TRIM9: variants seen among roughly 807,000 people sequenced by gnomAD.
TRIM9 encodes tripartite motif containing 9.
In TRIM9, 26 loss-of-function variants were observed where a neutral mutation model predicts 78.3. That is an observed-to-expected ratio of 0.33 (90% confidence interval 0.24 to 0.46). The LOEUF is 0.46. Among genes scored for constraint, TRIM9 ranks in the 20% least tolerant of loss-of-function variants. The pLI, the probability that TRIM9 is intolerant of heterozygous loss-of-function variation, is 1.00. For missense variants in TRIM9, 787 were observed against 1,036.4 expected, an observed-to-expected ratio of 0.76 and a Z score of 3.30; for synonymous variants, 398 against 416.5, an observed-to-expected ratio of 0.96 and a Z score of 0.54.
intron 7 of TRIM9, among the ~76,000 whole-genome samples, chr14:50,986,695 T>C (rs1431956404): frequency 1.3e-5 from 2 of 152,154 alleles, no homozygotes; most frequent in Non-Finnish European, 2.9e-5. Flanking sequence ...TATCTTTGAA[T>C]AGGAGAGGAA....
intron 3 of TRIM9, among the ~76,000 whole-genome samples, chr14:51,019,899 A>T (rs2057582791): frequency 6.6e-6 from 1 of 152,206 alleles, no homozygotes; most frequent in South Asian, 2.1e-4. Flanking sequence ...CTTGCCTCAG[A>T]ACCAGAACTA....
chr14:51,034,513 G>A (rs1455376403), intron 1 of TRIM9, among the ~76,000 whole-genome samples: 1 of 152,182 alleles, frequency 6.6e-6, no homozygotes, highest in Non-Finnish European at 1.5e-5. Flanking sequence ...CAGCAGGAGT[G>A]TGCATTGGAT....
intron 7 of TRIM9, among the ~76,000 whole-genome samples, chr14:50,991,948 C>T (rs1407113219): frequency 6.6e-6 from 1 of 152,106 alleles, no homozygotes; most frequent in Non-Finnish European, 1.5e-5. Context: ...TAGAAATATA[C>T]AAAAGGTAAA....
chr14:51,093,916 G>A (rs1367583692), intron 1 of TRIM9, among the ~76,000 whole-genome samples: 1 of 152,254 alleles, frequency 6.6e-6, no homozygotes, highest in Non-Finnish European at 1.5e-5. Flanking sequence ...CAACAACTCT[G>A]TGGGGGCATT....
chr14:51,044,164 G>A (rs2059770124), intron 1 of TRIM9, among the ~76,000 whole-genome samples: 2 of 152,180 alleles, frequency 1.3e-5, no homozygotes, highest in South Asian at 4.1e-4. Context: ...AGAAGATTTA[G>A]TGATTTCAGA....
intron 7 of TRIM9, among the ~76,000 whole-genome samples, chr14:50,990,756 T>G (rs952472137): frequency 6.6e-6 from 1 of 152,216 alleles, no homozygotes; most frequent in Admixed American, 6.5e-5. Context: ...AAGATGGTTG[T>G]ATTTTGGAGC....
intron 1 of TRIM9, among the ~76,000 whole-genome samples, chr14:51,038,470 T>C (rs761732952): frequency 1.1e-4 from 16 of 152,180 alleles, no homozygotes; most frequent in Non-Finnish European, 1.6e-4. Context: ...GGTGGTCGGA[T>C]TGCTTCACCT....
intron 7 of TRIM9, 23 bp from the exon 8 acceptor site, chr14:50,986,167 C>G: frequency 6.8e-7 from 1 of 1,470,870 alleles, no homozygotes; most frequent in South Asian, 1.4e-5. Flanking sequence ...TCAATGCAAA[C>G]TAGAGATCAG....
chr14:51,012,506 T>C (rs892016381), intron 3 of TRIM9, among the ~76,000 whole-genome samples: 3 of 152,224 alleles, frequency 2.0e-5, no homozygotes, highest in African/African-American at 4.8e-5. Context: ...GTGAATAAAG[T>C]GATTATAAAC....
In TRIM9 at chr14:50,989,272, C is replaced by T. The variant is rs145268189; in HGVS notation, c.1604-3128G>A. 1.4e-4 allele frequency among the ~76,000 whole-genome samples: 22 copies of T among 152,308 alleles called. No homozygotes were observed. The East Asian group carries it at 4.2e-3, about 29-fold the overall frequency. ...CAGTATTGCCACTCCCTGGTTTAGC[C>T]GAATCACACTTAACACACATTGAAT... On this transcript the variant is annotated intron_variant, in intron 7 of 12. Coordinates refer to ENST00000684578, the MANE Select transcript of TRIM9 (RefSeq NM_001387360.1).
rs367949855 is a variant in TRIM9, at chr14:51,040,254, C to T, written c.823-14894G>A. Among the ~76,000 whole-genome samples the T allele has an allele frequency of 8.3e-4, 127 of 152,320 alleles. 1 individual carries two copies. The South Asian group carries it at 0.022, about 27-fold the overall frequency. On this transcript the variant is annotated intron_variant, in intron 1 of 12. Coordinates refer to ENST00000684578, the MANE Select transcript of TRIM9 (RefSeq NM_001387360.1). ...CCTCAAGCCACTTATAATTGACCAA[C>T]AGAAATAGTTGACTGAATTTTCTTT... is the stretch of plus-strand genomic sequence containing the variant.
intron 6 of TRIM9, among the ~76,000 whole-genome samples, chr14:51,000,342 T>C (rs1247101606): frequency 6.6e-6 from 1 of 152,248 alleles, no homozygotes; most frequent in African/African-American, 2.4e-5. Flanking sequence ...ACGCTATTGT[T>C]ATCATCCCTC....
At chr14:51,074,147 G>A (rs750041212) in intron 1 of TRIM9, among the ~76,000 whole-genome samples, 1 of 152,050 alleles carries the variant, frequency 6.6e-6, no homozygotes, top group South Asian at 2.1e-4. Flanking sequence ...AGCTGGGTGC[G>A]GTGGCTCACG....
chr14:50,988,879 AACTT>A lies in TRIM9; in HGVS notation c.1604-2739_1604-2736del, dbSNP rs2053110552. Reference sequence around the variant, plus strand: ...GATTTCAGGAGTCTTAGAGGGAAGAAACTTAATATCATCAGAGGAGCTGCCATCA... The same window carrying A: ...GATTTCAGGAGTCTTAGAGGGAAGAAAATATCATCAGAGGAGCTGCCATCA... On this transcript the variant is annotated intron_variant, in intron 7 of 12. Transcript: ENST00000684578. 2.0e-5 allele frequency among the ~76,000 whole-genome samples: 3 copies of A among 152,286 alleles called. No individual in the cohort carries two copies. In the South Asian group the frequency reaches 6.2e-4, roughly 32 times the overall value.
At chr14:50,999,831 G>A (rs2054712981) in intron 6 of TRIM9, among the ~76,000 whole-genome samples, 1 of 152,180 alleles carries the variant, frequency 6.6e-6, no homozygotes. Context: ...GTGGCAGGGA[G>A]AGGATGGATG....
At chr14:51,050,128 C>T (rs372677234) in intron 1 of TRIM9, among the ~76,000 whole-genome samples, 1 of 152,178 alleles carries the variant, frequency 6.6e-6, no homozygotes, top group Non-Finnish European at 1.5e-5. Context: ...GGCCATAGGA[C>T]ACCCTTCTTA....
intron 2 of TRIM9, among the ~76,000 whole-genome samples, chr14:51,024,368 A>T (rs1596201765): frequency 6.6e-6 from 1 of 152,188 alleles, no homozygotes; most frequent in South Asian, 2.1e-4. Context: ...TAACATGGGC[A>T]TGTGTGCCAA....
Position 50,998,183 on chromosome 14 carries a change from C to T in TRIM9, c.1470G>A (p.Val490=). Residue 490 remains valine, a synonymous_variant, in exon 7 of 13, where the codon GTG becomes GTA. Coordinates refer to ENST00000684578, the MANE Select transcript of TRIM9 (RefSeq NM_001387360.1). ...TGCACATTGTCTCCTTCCCCACATA[C>T]ACCTCCTGAGAGTCAGCAAAGAACA... ...DDGNGGQFRE[V]YVGKETMCTV... 3.7e-6 allele frequency: 6 copies of T among 1,614,154 alleles called. No individual in the cohort carries two copies. The highest frequency in any genetic ancestry group is 5.1e-6 in the Non-Finnish European group (6 of 1,180,008).
At chr14:51,001,131 A>T (rs1404779176) in intron 5 of TRIM9, among the ~76,000 whole-genome samples, 1 of 152,030 alleles carries the variant, frequency 6.6e-6, no homozygotes, top group Non-Finnish European at 1.5e-5. Context: ...CATTGAAGAC[A>T]TTATCCCTAA....
Sources: gnomAD v4.1 joint callset for allele counts (sites outside exome capture counted in the v4.1 genomes callset) on GRCh38, gnomAD v4.1.1 for gene constraint, MANE v1.5 for transcripts, NCBI Gene and HGNC (gene_info 2026-07-23, HGNC 2026-07-21) for gene names.